The following SYT16 variants were observed in gnomAD, a reference collection of about 807,000 sequenced individuals.
SYT16 encodes the protein synaptotagmin-16.
A neutral mutation model predicts 61.4 loss-of-function variants in SYT16; 42 were observed. The ratio of observed to expected loss-of-function variants is 0.68; its 90% CI spans 0.53 to 0.89. The LOEUF (loss-of-function observed/expected upper bound fraction) is 0.89. Ranked by LOEUF, SYT16 falls within the 40% of genes least tolerant of loss-of-function variation. The pLI, the probability that SYT16 is intolerant of heterozygous loss-of-function variation, is 0.00. For missense variants in SYT16, 804 were observed against 807.3 expected (o/e 1.00, Z 0.05); for synonymous variants, 314 against 302.3 (o/e 1.04, Z -0.40).
At chr14:62,028,580 A>C (rs1385861795) in intron 3 of SYT16, among the ~76,000 whole-genome samples, 5 of 152,110 alleles carry the variant, frequency 3.3e-5, no homozygotes, top group East Asian at 3.8e-4. Context: ...GAGTTGGAAA[A>C]ATTTTTATAT....
At chr14:62,070,758 C>T (rs1041008116) in intron 4 of SYT16, among the ~76,000 whole-genome samples, 20 of 152,178 alleles carry the variant, frequency 1.3e-4, no homozygotes, top group African/African-American at 4.6e-4. Context: ...TGCTATGCCA[C>T]CCACCTTCAT....
intron 1 of SYT16, among the ~76,000 whole-genome samples, chr14:61,940,177 G>A (rs1267294190): frequency 3.3e-5 from 5 of 152,150 alleles, no homozygotes; most frequent in African/African-American, 7.2e-5. Context: ...TCCTTTTCAC[G>A]GGGTTAGCAC....
chr14:61,907,402 G>A (rs749449984), intron 1 of SYT16, among the ~76,000 whole-genome samples: 5 of 152,230 alleles, frequency 3.3e-5, no homozygotes, highest in Non-Finnish European at 5.9e-5. Flanking sequence ...TACCCCACAA[G>A]TTGGCAGCTT....
chr14:61,845,463 A>G (rs1186044474), intron 1 of SYT16, among the ~76,000 whole-genome samples: 9 of 152,172 alleles, frequency 5.9e-5, no homozygotes, highest in Admixed American at 5.9e-4. Context: ...TTTCTTCTAG[A>G]TGTTTCAATT....
chr14:62,025,279 A>G (rs1036082896), intron 3 of SYT16, among the ~76,000 whole-genome samples: 6 of 152,122 alleles, frequency 3.9e-5, no homozygotes, highest in African/African-American at 7.2e-5. Context: ...CCTTGCCAGC[A>G]TTTACCATTT....
intron 1 of SYT16, among the ~76,000 whole-genome samples, chr14:61,886,248 G>A (rs2140327675): frequency 6.6e-6 from 1 of 152,098 alleles, no homozygotes; most frequent in East Asian, 1.9e-4. Flanking sequence ...ACAGGCGTGA[G>A]CCACCGCACC....
intron 1 of SYT16, among the ~76,000 whole-genome samples, chr14:61,963,704 C>T (rs2051199066): frequency 6.6e-6 from 1 of 152,270 alleles, no homozygotes; most frequent in South Asian, 2.1e-4. Flanking sequence ...GTAGACCAAA[C>T]AGTCTTCTAC....
At chr14:62,009,367 T>C (rs1183085218) in intron 3 of SYT16, among the ~76,000 whole-genome samples, 1 of 152,194 alleles carries the variant, frequency 6.6e-6, no homozygotes. Flanking sequence ...ATTTTATCTG[T>C]CTTACTCTAG....
chr14:62,060,564 G>T (rs1319937811), intron 3 of SYT16, among the ~76,000 whole-genome samples: 3 of 151,300 alleles, frequency 2.0e-5, no homozygotes, highest in Non-Finnish European at 4.4e-5. Context: ...ATTGTTTTCT[G>T]TATGTGTTGA....
chr14:62,081,305 G>T (rs1461109577), intron 6 of SYT16, 31 bp downstream of exon 6: 1 of 1,590,744 alleles, frequency 6.3e-7, no homozygotes, highest in South Asian at 1.1e-5. Flanking sequence ...TGCTAATGAT[G>T]TGGTGTGTTC....
At position 61,840,531 on chromosome 14, in the gene SYT16, G is replaced by A. The variant is rs370415293; in HGVS notation, c.-325+27721G>A. 2.0e-4 allele frequency among the ~76,000 whole-genome samples: 30 copies of A among 152,332 alleles called. 1 individual carries two copies. Among genetic ancestry groups the A allele is most frequent in the East Asian group, 1.9e-3 (10 of 5,186 alleles). Reference sequence around the variant, plus strand: ...AGCAAAACCCAGGAAGAGGGTGGCCGTAGCAGGCAAAGAAAGACAATTTTA... The same window carrying A: ...AGCAAAACCCAGGAAGAGGGTGGCCATAGCAGGCAAAGAAAGACAATTTTA... On this transcript the variant is annotated intron_variant, in intron 1 of 7. Coordinates refer to ENST00000683842, the MANE Select transcript of SYT16 (RefSeq NM_001367656.1).
At chr14:61,891,240 G>GCACACA (rs1555353023) in intron 1 of SYT16, among the ~76,000 whole-genome samples, 3 of 85,800 alleles carry the variant, frequency 3.5e-5, no homozygotes, top group South Asian at 3.6e-4. Context: ...ATACACACAC[G>GCACACA]CGCACACACA....
chr14:61,891,106 T>G (rs984111564), intron 1 of SYT16, among the ~76,000 whole-genome samples: 1 of 152,212 alleles, frequency 6.6e-6, no homozygotes, highest in African/African-American at 2.4e-5. Context: ...AAAATTCCAC[T>G]AATCACTTCA....
chr14:62,040,953 T>C (rs924561389), intron 3 of SYT16, among the ~76,000 whole-genome samples: 1 of 151,156 alleles, frequency 6.6e-6, no homozygotes, highest in Non-Finnish European at 1.5e-5. Context: ...TAAAGGGGAG[T>C]TTATTAAGGG....
In SYT16 at chr14:62,101,363, G is replaced by T. The variant is rs987150206; in HGVS notation, c.*656G>T. ...GATGAATCATTTTGAAGCAAGAAAA[G>T]AGTTCAGAAACTACTGTTTTAAGAC... is the stretch of plus-strand genomic sequence containing the variant. On this transcript the variant is annotated 3_prime_UTR_variant, in exon 8 of 8. Transcript: ENST00000683842. The T allele has an allele frequency of 3.9e-5, 6 of 152,110 alleles. No homozygotes were observed. The highest frequency in any genetic ancestry group is 1.4e-4 in the African/African-American group (6 of 41,420). The allele number at this position is 152,110 out of a possible 1,614,324, so 9.4% of individuals were successfully genotyped here. A position where few individuals can be genotyped will look rare whatever the true frequency, so the allele number is the denominator to read the frequency against.
Position 62,092,173 on chromosome 14 carries a change from AACACACACACACACAC to A in SYT16, c.1624+7827_1624+7842del, listed in dbSNP as rs56324432. On this transcript the variant is annotated intron_variant, in intron 7 of 7. Coordinates refer to ENST00000683842, the MANE Select transcript of SYT16 (RefSeq NM_001367656.1). ...TCATACCCATTAGGATGGCTACTATAACACACACACACACACACACACACACACACACACACACACA... is the reference window on the plus strand; with the variant it reads ...TCATACCCATTAGGATGGCTACTATAACACACACACACACACACACACACA... Among the ~76,000 whole-genome samples, 932 of 131,394 alleles carry A rather than the reference AACACACACACACACAC, an allele frequency of 7.1e-3. 9 individuals are homozygous for A. The highest frequency in any genetic ancestry group is 0.023 in the African/African-American group (811 of 35,934). 86.2% of individuals were successfully genotyped at this position (131,394 alleles called of 152,430 possible). A position where few individuals can be genotyped will look rare whatever the true frequency, so the allele number is the denominator to read the frequency against.
At chr14:62,053,056 T>C (rs1038662556) in intron 3 of SYT16, among the ~76,000 whole-genome samples, 1 of 152,174 alleles carries the variant, frequency 6.6e-6, no homozygotes, top group Non-Finnish European at 1.5e-5. Flanking sequence ...TTGAAGTACA[T>C]GCTAGAAGAC....
chr14:61,829,210 A>G (rs1170495707), intron 1 of SYT16, among the ~76,000 whole-genome samples: 1 of 152,200 alleles, frequency 6.6e-6, no homozygotes, highest in Non-Finnish European at 1.5e-5. Context: ...CTATTAATAT[A>G]TCACAAAAGA....
intron 1 of SYT16, chr14:61,864,845 C>G: frequency 9.4e-7 from 1 of 1,063,118 alleles, no homozygotes; most frequent in Non-Finnish European, 1.4e-6. Flanking sequence ...GCCTTGCTAT[C>G]GCTGCATATT....
Sources: gnomAD v4.1 joint callset for allele counts (sites outside exome capture counted in the v4.1 genomes callset) on GRCh38, gnomAD v4.1.1 for gene constraint, MANE v1.5 for transcripts, NCBI Gene and HGNC (gene_info 2026-07-23, HGNC 2026-07-21) for gene names.